The following TYR variants were observed in gnomAD, a reference collection of about 807,000 sequenced individuals.
TYR encodes tyrosinase, also known as LB24-AB.
A neutral mutation model predicts 51.5 loss-of-function variants in TYR; 58 were observed. The observed-to-expected ratio is 1.13, with a 90% CI of 0.91 to 1.40. TYR has a LOEUF of 1.40. Among genes scored for constraint, TYR ranks in the 40% most tolerant of loss-of-function variants. The pLI is 0.00. For missense variants in TYR, 732 were observed against 647.4 expected (o/e 1.13, Z -1.42); for synonymous variants, 263 against 235.2 (o/e 1.12, Z -1.08).
At chr11:89,290,141 T>C (rs1353900437) in intron 4 of TYR, among the ~76,000 whole-genome samples, 1 of 151,996 alleles carries the variant, frequency 6.6e-6, no homozygotes, top group Non-Finnish European at 1.5e-5. Context: ...CTGAAAAGAA[T>C]GGATGACAAG....
Position 89,227,836 on chromosome 11 carries a change from A to G in TYR, c.1050A>G (p.Pro350=). Residue 350 remains proline, a synonymous_variant, in exon 3 of 5, where the codon CCA becomes CCG. Coordinates refer to ENST00000263321, the MANE Select transcript of TYR (RefSeq NM_000372.5). The part of the protein sequence containing the change: ...FRNTLEGFAS[P]LTGIADASQS... Reference sequence around the variant, plus strand: ...TTTAATGAACAGGATTTGCTAGTCCACTTACTGGGATAGCGGATGCCTCTC... The same window carrying G: ...TTTAATGAACAGGATTTGCTAGTCCGCTTACTGGGATAGCGGATGCCTCTC... The G allele has an allele frequency of 6.2e-7, 1 of 1,613,038 alleles. No individual in the cohort carries two copies. Among genetic ancestry groups the G allele is most frequent in the Non-Finnish European group, 8.5e-7 (1 of 1,179,644 alleles).
At chr11:89,209,499 C>A (rs1943721762) in intron 2 of TYR, among the ~76,000 whole-genome samples, 1 of 152,214 alleles carries the variant, frequency 6.6e-6, no homozygotes, top group Non-Finnish European at 1.5e-5. Flanking sequence ...GCAAGGCCTA[C>A]TGCCTCTTTA....
chr11:89,277,389 T>A (rs1246053214), intron 3 of TYR, among the ~76,000 whole-genome samples: 2 of 151,790 alleles, frequency 1.3e-5, no homozygotes, highest in African/African-American at 4.8e-5. Flanking sequence ...TCACGTCATC[T>A]GTCCTGGCCT....
Position 89,178,946 on chromosome 11 carries a change from T to C in TYR, c.819+174T>C, listed in dbSNP as rs565485381. ...TGTATTTTTCCTTTATAGCACACTTTAGATATTTGTGTAATTATTTGTTTA... is the reference window on the plus strand; with the variant it reads ...TGTATTTTTCCTTTATAGCACACTTCAGATATTTGTGTAATTATTTGTTTA... On this transcript the variant is annotated intron_variant, in intron 1 of 4. Transcript: ENST00000263321. Among the ~76,000 whole-genome samples the C allele has an allele frequency of 7.2e-5, 11 of 152,322 alleles. No homozygotes were observed. The East Asian group carries it at 1.9e-3, about 27-fold the overall frequency.
chr11:89,186,890 CT>C (rs1205120371), intron 1 of TYR, among the ~76,000 whole-genome samples: 1 of 152,126 alleles, frequency 6.6e-6, no homozygotes, highest in East Asian at 1.9e-4. Context: ...CCATCTCTTT[CT>C]TTGTGTATGC....
intron 2 of TYR, among the ~76,000 whole-genome samples, chr11:89,216,112 TAGA>T (rs1447541526): frequency 6.6e-6 from 1 of 152,136 alleles, no homozygotes; most frequent in East Asian, 1.9e-4. Context: ...CACTTACCAA[TAGA>T]AGGTGTGAAA....
intron 2 of TYR, among the ~76,000 whole-genome samples, chr11:89,214,643 A>G (rs542070605): frequency 1.3e-5 from 2 of 152,358 alleles, no homozygotes; most frequent in South Asian, 2.1e-4. Context: ...ATGTCCATCA[A>G]TAATGGACAG....
chr11:89,193,863 A>G (rs541396082), intron 2 of TYR, among the ~76,000 whole-genome samples: 1 of 117,708 alleles, frequency 8.5e-6, no homozygotes, highest in African/African-American at 4.9e-5. Flanking sequence ...CTTACATTGT[A>G]TCCTGTTTCT....
chr11:89,180,882 C>T (rs1186684679), intron 1 of TYR, among the ~76,000 whole-genome samples: 1 of 152,032 alleles, frequency 6.6e-6, no homozygotes, highest in Non-Finnish European at 1.5e-5. Context: ...TAGTTAAGAT[C>T]GATTGCTTAC....
intron 1 of TYR, among the ~76,000 whole-genome samples, chr11:89,186,046 G>A (rs923274341): frequency 3.9e-5 from 6 of 152,096 alleles, no homozygotes; most frequent in Admixed American, 6.6e-5. Flanking sequence ...CTTAAAGAAT[G>A]GGTAGGATAT....
At chr11:89,208,543 C>G (rs1943704942) in intron 2 of TYR, among the ~76,000 whole-genome samples, 1 of 152,102 alleles carries the variant, frequency 6.6e-6, no homozygotes, top group South Asian at 2.1e-4. Context: ...CTAAATTTTA[C>G]ATTATACAAA....
At chr11:89,288,316 TAGTA>T (rs775776833) in intron 4 of TYR, among the ~76,000 whole-genome samples, 12 of 151,976 alleles carry the variant, frequency 7.9e-5, no homozygotes, top group Non-Finnish European at 1.8e-4. Context: ...ACTACAAAGC[TAGTA>T]AGTGTCAAAT....
chr11:89,189,120 TAAAAGCAC>T (rs956381963), intron 1 of TYR, among the ~76,000 whole-genome samples: 1 of 152,030 alleles, frequency 6.6e-6, no homozygotes, highest in Non-Finnish European at 1.5e-5. Context: ...AGACTAGTTA[TAAAAGCAC>T]AAAATACACT....
intron 3 of TYR, among the ~76,000 whole-genome samples, chr11:89,239,801 G>C (rs1161934197): frequency 3.9e-5 from 6 of 151,936 alleles, no homozygotes; most frequent in Non-Finnish European, 8.8e-5. Context: ...TGACCCATTT[G>C]TTGTTCAGAA....
At chr11:89,286,586 GGGGC>G (rs1944790066) in intron 4 of TYR, among the ~76,000 whole-genome samples, 2 of 151,840 alleles carry the variant, frequency 1.3e-5, no homozygotes, top group East Asian at 3.9e-4. Context: ...TACACAATTT[GGGGC>G]TAACAGGAGA....
rs745847253 is a variant in TYR at position 89,178,645 on chromosome 11, TC to T, written c.693del (p.Phe231LeufsTer88). 1.2e-6 allele frequency: 2 copies of T among 1,613,080 alleles called. No homozygotes were observed. The highest frequency in any genetic ancestry group is 2.2e-5 in the South Asian group (2 of 91,034). ...EIQKLTGDENFTIPYWDWRDA... is the reference protein window; with the variant it reads ...EIQKLTGDENXTIPYWDWRDA... ...CAGAAGCTGACAGGAGATGAAAACT[TC>T]ACTATTCCATATTGGGACTGGCGGG... On this transcript the variant is annotated frameshift_variant, in exon 1 of 5. Coordinates refer to ENST00000263321, the MANE Select transcript of TYR (RefSeq NM_000372.5). LOFTEE classifies it high-confidence loss of function.
intron 3 of TYR, among the ~76,000 whole-genome samples, chr11:89,265,232 T>G (rs71469244): frequency 0.073 from 11,146 of 152,094 alleles, 596 homozygotes; most frequent in African/African-American, 0.14. Flanking sequence ...TGATTCTCAC[T>G]GTCCAAGGAT....
At chr11:89,250,368 A>G (rs1240949821) in intron 3 of TYR, among the ~76,000 whole-genome samples, 1 of 151,934 alleles carries the variant, frequency 6.6e-6, no homozygotes. Context: ...AGCACTATTA[A>G]TTGACTAAAA....
At chr11:89,201,716 A>G (rs189391084) in intron 2 of TYR, among the ~76,000 whole-genome samples, 1 of 152,348 alleles carries the variant, frequency 6.6e-6, no homozygotes, top group East Asian at 1.9e-4. Context: ...AAAAGGCAAA[A>G]TCACATCATA....
Sources: allele counts gnomAD v4.1 joint callset (sites outside exome capture counted in the v4.1 genomes callset), GRCh38; gene constraint gnomAD v4.1.1; transcripts MANE v1.5; gene names NCBI Gene and HGNC (gene_info 2026-07-23, HGNC 2026-07-21).